GRIP1: variants seen among roughly 807,000 people sequenced by gnomAD.
GRIP1 encodes the protein glutamate receptor-interacting protein 1.
A neutral mutation model predicts 129.9 loss-of-function variants in GRIP1; 45 were observed. That is an observed-to-expected ratio of 0.35 (90% CI 0.27 to 0.44). The LOEUF (loss-of-function observed/expected upper bound fraction) is 0.44. Ranked by LOEUF, GRIP1 falls within the 20% of genes least tolerant of loss-of-function variation. The pLI is 1.00. For synonymous variants in GRIP1, 530 were observed against 520.8 expected (o/e 1.02, Z -0.24); for missense variants, 1,196 against 1,396.8 (o/e 0.86, Z 2.29).
chr12:66,519,063 A>G lies in GRIP1; in HGVS notation c.503-1087T>C, dbSNP rs1035780727. 6.6e-5 allele frequency among the ~76,000 whole-genome samples: 10 copies of G among 152,346 alleles called. 1 individual carries two copies. Among genetic ancestry groups the G allele is most frequent in the African/African-American group, 2.4e-4 (10 of 41,588 alleles). The stretch of plus-strand genomic sequence containing the variant: ...CCTATTGTCAATTATTGCTCCCTTA[A>G]TGTTTGCCTGCTAGAACAGATGGAC... On this transcript the variant is annotated intron_variant, in intron 5 of 24. Coordinates refer to ENST00000359742, the MANE Select transcript of GRIP1 (RefSeq NM_001366722.1).
chr12:66,496,247 C>T (rs2060236698), intron 7 of GRIP1, among the ~76,000 whole-genome samples: 1 of 152,136 alleles, frequency 6.6e-6, no homozygotes, highest in South Asian at 2.1e-4. Context: ...CCAGTACCTG[C>T]AAGGTTCAGG....
At chr12:66,475,935 T>TA (rs945921671) in intron 7 of GRIP1, among the ~76,000 whole-genome samples, 1 of 151,770 alleles carries the variant, frequency 6.6e-6, no homozygotes, top group Non-Finnish European at 1.5e-5. Context: ...AAATGTGATC[T>TA]AAAAAAGATC....
chr12:67,045,935 C>T (rs1338228202), intron 1 of GRIP1, among the ~76,000 whole-genome samples: 1 of 152,148 alleles, frequency 6.6e-6, no homozygotes, highest in Non-Finnish European at 1.5e-5. Flanking sequence ...AGGCGGATTC[C>T]TTAGAAGGGG....
At chr12:66,417,975 C>A (rs2057668832) in intron 15 of GRIP1, among the ~76,000 whole-genome samples, 1 of 151,898 alleles carries the variant, frequency 6.6e-6, no homozygotes, top group Admixed American at 6.6e-5. Context: ...ACCTAGAATA[C>A]CCAATTCTAT....
At chr12:66,518,678 A>G (rs2060915690) in intron 5 of GRIP1, among the ~76,000 whole-genome samples, 1 of 152,200 alleles carries the variant, frequency 6.6e-6, no homozygotes, top group Non-Finnish European at 1.5e-5. Flanking sequence ...CGTCTGCATG[A>G]AATGCACGCG....
chr12:66,677,955 G>A (rs2034416311), intron 1 of GRIP1, among the ~76,000 whole-genome samples: 2 of 151,982 alleles, frequency 1.3e-5, no homozygotes, highest in Admixed American at 1.3e-4. Flanking sequence ...AAAAAGAAAG[G>A]CATTTGCAAC....
chr12:66,622,676 A>G (rs2065326944), intron 1 of GRIP1, among the ~76,000 whole-genome samples: 1 of 152,110 alleles, frequency 6.6e-6, no homozygotes, highest in Non-Finnish European at 1.5e-5. Flanking sequence ...TTTCTCTGTT[A>G]CCTGGTCCCT....
At chr12:66,511,665 T>C (rs1271985967) in intron 7 of GRIP1, among the ~76,000 whole-genome samples, 1 of 152,148 alleles carries the variant, frequency 6.6e-6, no homozygotes, top group Non-Finnish European at 1.5e-5. Context: ...ATCAGTCTTG[T>C]TTCTTTTTCT....
intron 1 of GRIP1, among the ~76,000 whole-genome samples, chr12:66,781,048 C>T (rs1309748819): frequency 6.6e-6 from 1 of 152,154 alleles, no homozygotes; most frequent in Non-Finnish European, 1.5e-5. Context: ...TTATTGTTCA[C>T]CACTGAGTTC....
chr12:66,554,064 A>C (rs994427070), intron 2 of GRIP1, among the ~76,000 whole-genome samples: 78 of 152,286 alleles, frequency 5.1e-4, no homozygotes, highest in African/African-American at 1.8e-3. Context: ...TGACCTAGTA[A>C]GATACCAGCT....
chr12:66,872,339 G>A (rs1219259207), intron 1 of GRIP1, among the ~76,000 whole-genome samples: 2 of 152,186 alleles, frequency 1.3e-5, no homozygotes, highest in East Asian at 3.9e-4. Context: ...ACAGGTTGCA[G>A]TTTTTTCTCA....
intron 1 of GRIP1, among the ~76,000 whole-genome samples, chr12:66,652,598 T>G (rs1229456255): frequency 6.6e-6 from 1 of 152,168 alleles, no homozygotes; most frequent in Non-Finnish European, 1.5e-5. Flanking sequence ...GTTTGAAAGT[T>G]AGCAGTTGGC....
intron 1 of GRIP1, among the ~76,000 whole-genome samples, chr12:66,914,093 C>T (rs2041078341): frequency 6.6e-6 from 1 of 152,136 alleles, no homozygotes; most frequent in South Asian, 2.1e-4. Context: ...TACAGAAGGA[C>T]ACTATGAGAA....
intron 2 of GRIP1, among the ~76,000 whole-genome samples, chr12:66,578,231 G>GTTTTTTTTTTTTTTTTTT (rs1462512737): frequency 6.3e-5 from 2 of 31,508 alleles, no homozygotes; most frequent in Admixed American, 4.3e-4. Context: ...GCAAAACCGC[G>GTTTTTTTTTTTTTTTTTT]GTTTTTTTTT....
chr12:66,519,331 A>G (rs950389726), intron 5 of GRIP1, among the ~76,000 whole-genome samples: 3 of 152,252 alleles, frequency 2.0e-5, no homozygotes, highest in African/African-American at 7.2e-5. Context: ...TTCTCAGAAA[A>G]AAATTTTAAA....
At chr12:66,868,855 G>C (rs1008346841) in intron 1 of GRIP1, among the ~76,000 whole-genome samples, 7 of 152,014 alleles carry the variant, frequency 4.6e-5, no homozygotes, top group Non-Finnish European at 1.0e-4. Flanking sequence ...GGAACTTTAG[G>C]ATAAAACAGC....
chr12:66,490,882 G>A (rs2060087306), intron 7 of GRIP1, among the ~76,000 whole-genome samples: 1 of 152,154 alleles, frequency 6.6e-6, no homozygotes, highest in South Asian at 2.1e-4. Context: ...CTGATCATTA[G>A]AGAAATGCAA....
At chr12:66,526,341 A>G (rs965067577) in intron 5 of GRIP1, among the ~76,000 whole-genome samples, 2 of 152,210 alleles carry the variant, frequency 1.3e-5, no homozygotes, top group African/African-American at 4.8e-5. Context: ...ATATAGATCA[A>G]TGGAACAGAA....
chr12:66,719,386 G>C (rs1269695615), intron 1 of GRIP1, among the ~76,000 whole-genome samples: 1 of 152,146 alleles, frequency 6.6e-6, no homozygotes, highest in African/African-American at 2.4e-5. Flanking sequence ...TCCCTCCTCA[G>C]GGATAGATGT....
Sources: gnomAD v4.1 joint callset for allele counts (sites outside exome capture counted in the v4.1 genomes callset) on GRCh38, gnomAD v4.1.1 for gene constraint, MANE v1.5 for transcripts, NCBI Gene and HGNC (gene_info 2026-07-23, HGNC 2026-07-21) for gene names.